Variants in ZNF704 observed in about 807,000 individuals in gnomAD.
ZNF704 encodes zinc finger protein 704.
A neutral mutation model predicts 44.7 loss-of-function variants in ZNF704; 10 were observed. The observed-to-expected ratio is 0.22, with a 90% CI of 0.14 to 0.38. The LOEUF is 0.38. ZNF704 is among the 10% of genes least tolerant of loss of function. The pLI, the probability that ZNF704 is intolerant of heterozygous loss-of-function variation, is 1.00. For synonymous variants in ZNF704, 211 were observed against 207.6 expected (o/e 1.02, Z -0.14); for missense variants, 390 against 545.5 (o/e 0.71, Z 2.84).
intron 2 of ZNF704, among the ~76,000 whole-genome samples, chr8:80,747,030 C>A (rs962841821): frequency 1.3e-5 from 2 of 152,168 alleles, no homozygotes; most frequent in African/African-American, 2.4e-5. Flanking sequence ...TCTTTGACAA[C>A]ATGCTGTCTT....
intron 2 of ZNF704, among the ~76,000 whole-genome samples, chr8:80,734,860 A>G (rs1585989643): frequency 6.6e-6 from 1 of 152,386 alleles, no homozygotes; most frequent in Admixed American, 6.5e-5. Flanking sequence ...AGCCTAGGAC[A>G]TATCCCTTAA....
intron 1 of ZNF704, among the ~76,000 whole-genome samples, chr8:80,853,095 T>C (rs1033872463): frequency 2.0e-5 from 3 of 152,178 alleles, no homozygotes; most frequent in East Asian, 1.9e-4. Context: ...GAAAGGCGCA[T>C]TGGCTCACAC....
upstream of ZNF704, among the ~76,000 whole-genome samples, chr8:80,878,868 T>A (rs1809391874): frequency 6.6e-6 from 1 of 152,202 alleles, no homozygotes; most frequent in Non-Finnish European, 1.5e-5. Context: ...AGCATTGCCT[T>A]CTTATTTATG....
rs188085972 is a variant in ZNF704, at chr8:80,653,827, C to T, written c.1032+5758G>A. Among the ~76,000 whole-genome samples the T allele has an allele frequency of 3.0e-3, 451 of 152,026 alleles. 2 individuals carry two copies. Among genetic ancestry groups the T allele is most frequent in the African/African-American group, 0.01 (431 of 41,490 alleles). ...GCTACCAATGACTTTCTTCACGAAT[C>T]GGAAAAAACTACTTTAAAGTTCATA... On this transcript the variant is annotated intron_variant, in intron 7 of 8. Coordinates refer to ENST00000327835, the MANE Select transcript of ZNF704 (RefSeq NM_001033723.3).
At chr8:80,778,705 A>G (rs1009024783) in intron 2 of ZNF704, among the ~76,000 whole-genome samples, 1 of 152,232 alleles carries the variant, frequency 6.6e-6, no homozygotes, top group Admixed American at 6.5e-5. Flanking sequence ...TGTCTTTTGC[A>G]GGATCATGGA....
Position 80,631,384 on chromosome 8 carries a change from A to G in ZNF704, c.*9982T>C, listed in dbSNP as rs929338747. On this transcript the variant is annotated 3_prime_UTR_variant, in exon 9 of 9. Transcript: ENST00000327835. ...GTGCTTAACAACATGAGTGGACTGA[A>G]GTCCTTTTCTCTTTCCATAAATACG... The G allele has an allele frequency of 6.6e-6, 1 of 152,184 alleles. No individual in the cohort carries two copies. The highest frequency in any genetic ancestry group is 6.5e-5 in the Admixed American group (1 of 15,278). 9.4% of individuals were successfully genotyped at this position (152,184 alleles called of 1,614,324 possible).
At chr8:80,752,833 G>A (rs1397917627) in intron 2 of ZNF704, among the ~76,000 whole-genome samples, 8 of 152,130 alleles carry the variant, frequency 5.3e-5, no homozygotes, top group Admixed American at 2.0e-4. Context: ...GAGCCACCGC[G>A]CCTGGCCAAA....
intron 3 of ZNF704, among the ~76,000 whole-genome samples, chr8:80,688,082 C>A (rs1818571707): frequency 6.6e-6 from 1 of 151,996 alleles, no homozygotes; most frequent in Non-Finnish European, 1.5e-5. Flanking sequence ...GTGGCATGCA[C>A]CTATAGTCCC....
At chr8:80,782,964 T>G (rs897181599) in intron 2 of ZNF704, among the ~76,000 whole-genome samples, 3 of 152,186 alleles carry the variant, frequency 2.0e-5, no homozygotes, top group African/African-American at 7.2e-5. Context: ...TTAGTGGATC[T>G]GAGCTGTTGA....
chr8:80,848,091 C>T (rs78187002), intron 1 of ZNF704, among the ~76,000 whole-genome samples: 1,800 of 152,288 alleles, frequency 0.012, 32 homozygotes, highest in African/African-American at 0.041. Flanking sequence ...GTACTGATAG[C>T]TGGATGAATC....
intron 7 of ZNF704, among the ~76,000 whole-genome samples, chr8:80,646,474 CAAAAA>C (rs59704641): frequency 1.0e-5 from 1 of 98,666 alleles, no homozygotes. Context: ...AGACACATCT[CAAAAA>C]AAAAAAAAAA....
At chr8:80,835,185 T>G (rs73692260) in intron 1 of ZNF704, among the ~76,000 whole-genome samples, 1 of 152,156 alleles carries the variant, frequency 6.6e-6, no homozygotes, top group Non-Finnish European at 1.5e-5. Context: ...TATTTTTTTT[T>G]AAATCCTTTC....
At chr8:80,841,416 A>T (rs749336153) in intron 1 of ZNF704, among the ~76,000 whole-genome samples, 25 of 151,984 alleles carry the variant, frequency 1.6e-4, no homozygotes, top group Non-Finnish European at 3.7e-4. Context: ...TTCCCTTTGC[A>T]GCCTCCTCTG....
the ZNF704 span, among the ~76,000 whole-genome samples, chr8:80,883,032 G>T: frequency 7.6e-6 from 1 of 132,010 alleles, no homozygotes; most frequent in Non-Finnish European, 1.5e-5. Flanking sequence ...GAACTCAGGA[G>T]TTCAAGACCA....
rs541790146 is a variant in ZNF704 at position 80,665,743 on chromosome 8, C to T, written c.660-661G>A. Among the ~76,000 whole-genome samples the T allele has an allele frequency of 8.6e-5, 13 of 152,020 alleles. No homozygotes were observed. The East Asian group carries it at 2.5e-3, about 29-fold the overall frequency. Reference sequence around the variant, plus strand: ...TAGATATTTAATATATCAGGTGTTACTAAGTCCCAGAAAGAAAAATTCAAC... The same window carrying T: ...TAGATATTTAATATATCAGGTGTTATTAAGTCCCAGAAAGAAAAATTCAAC... On this transcript the variant is annotated intron_variant, in intron 5 of 8. Transcript: ENST00000327835.
intron 2 of ZNF704, chr8:80,813,971 C>CCTTA (rs950779187): frequency 3.1e-4 from 47 of 152,178 alleles, no homozygotes; most frequent in African/African-American, 1.1e-3. Context: ...TCTCATCTTA[C>CCTTA]CTTACTACCT....
chr8:80,677,127 A>G (rs11985133), intron 4 of ZNF704, among the ~76,000 whole-genome samples: 17,203 of 152,274 alleles, frequency 0.11, 3,274 homozygotes, highest in African/African-American at 0.39. Context: ...TGAGTCAGTC[A>G]GATGTAGGCT....
chr8:80,632,493 T>A lies in ZNF704; in HGVS notation c.*8873A>T, dbSNP rs114359582. 6.6e-6 allele frequency: 1 copy of A among 152,176 alleles called. No homozygotes were observed. Among genetic ancestry groups the A allele is most frequent in the Non-Finnish European group, 1.5e-5 (1 of 68,028 alleles). The allele number at this position is 152,176 out of a possible 1,614,324, so 9.4% of individuals were successfully genotyped here. ...GGCGTGAACCACTGCATCTGGCCAA[T>A]TCTGGTTAATTTTCTGAATTAAAAA... On this transcript the variant is annotated 3_prime_UTR_variant, in exon 9 of 9. Coordinates refer to ENST00000327835, the MANE Select transcript of ZNF704 (RefSeq NM_001033723.3).
chr8:80,730,334 T>C (rs1806557862), intron 2 of ZNF704, among the ~76,000 whole-genome samples: 1 of 151,818 alleles, frequency 6.6e-6, no homozygotes, highest in African/African-American at 2.4e-5. Flanking sequence ...AGTCAGGAGT[T>C]TGAGACCAAC....
Sources: allele counts gnomAD v4.1 joint callset (sites outside exome capture counted in the v4.1 genomes callset), GRCh38; gene constraint gnomAD v4.1.1; transcripts MANE v1.5; gene names NCBI Gene and HGNC (gene_info 2026-07-23, HGNC 2026-07-21).